The following CSMD3 variants were observed in gnomAD, a reference collection of about 807,000 sequenced individuals.
The protein encoded by CSMD3 is CUB and sushi domain-containing protein 3.
Under a neutral mutation model 435.2 loss-of-function variants are expected in CSMD3, and 177 were observed. The observed-to-expected ratio is 0.41, with a 90% CI of 0.36 to 0.46. The LOEUF is 0.46. CSMD3 is among the 20% of genes least tolerant of loss of function. The pLI is 0.34. For synonymous variants in CSMD3, 1,656 were observed against 1,520.5 expected (o/e 1.09, Z -2.07); for missense variants, 4,265 against 4,504.6 (o/e 0.95, Z 1.52).
chr8:112,472,023 G>T (rs1818568790), intron 32 of CSMD3, among the ~76,000 whole-genome samples: 1 of 152,118 alleles, frequency 6.6e-6, no homozygotes. Flanking sequence ...GGCAGCAAAG[G>T]ACACATTGTC....
chr8:112,784,850 C>T (rs1482663713), intron 13 of CSMD3, among the ~76,000 whole-genome samples: 2 of 151,956 alleles, frequency 1.3e-5, no homozygotes, highest in Non-Finnish European at 2.9e-5. Flanking sequence ...AGAGCAAATA[C>T]TAATCTTACT....
intron 13 of CSMD3, among the ~76,000 whole-genome samples, chr8:112,789,273 A>G (rs2078628647): frequency 6.6e-6 from 1 of 152,086 alleles, no homozygotes; most frequent in Non-Finnish European, 1.5e-5. Flanking sequence ...GTTTACTACA[A>G]TGAATCAATA....
intron 35 of CSMD3, among the ~76,000 whole-genome samples, chr8:112,391,685 C>G (rs1450560800): frequency 7.9e-6 from 1 of 127,262 alleles, no homozygotes; most frequent in Non-Finnish European, 1.8e-5. Flanking sequence ...GGATAAGACT[C>G]CATCTCAAAA....
At chr8:112,950,665 C>T (rs922237950) in intron 8 of CSMD3, among the ~76,000 whole-genome samples, 6 of 151,964 alleles carry the variant, frequency 3.9e-5, no homozygotes, top group Non-Finnish European at 5.9e-5. Flanking sequence ...TTTTACACCT[C>T]CTACAGGTGA....
At chr8:112,761,836 A>G (rs1222280429) in intron 13 of CSMD3, among the ~76,000 whole-genome samples, 2 of 152,022 alleles carry the variant, frequency 1.3e-5, no homozygotes, top group African/African-American at 4.8e-5. Flanking sequence ...GTGCATGTGT[A>G]TGTAAGTGCA....
In CSMD3 at chr8:112,492,667, G is replaced by A. The variant is rs1156355782; in HGVS notation, c.5100C>T (p.Ser1700=). Residue 1700 remains serine, a synonymous_variant, in exon 31 of 71, where the codon TCC becomes TCT. Transcript: ENST00000297405. ...TCATTATATTGCCTGGATCAAAGCA[G>A]GACTCTCGCAGTTTTGCTGTAAAAC... ...HLEYKAKLRE[S]CFDPGNIMNG... The A allele has an allele frequency of 6.2e-7, 1 of 1,613,656 alleles. No individual in the cohort carries two copies. Among genetic ancestry groups the A allele is most frequent in the East Asian group, 2.2e-5 (1 of 44,846 alleles).
intron 11 of CSMD3, among the ~76,000 whole-genome samples, chr8:112,852,445 T>C (rs753804650): frequency 1.1e-4 from 17 of 152,312 alleles, no homozygotes; most frequent in Non-Finnish European, 1.9e-4. Context: ...CATGCTTCTC[T>C]CATTTGATCT....
At chr8:112,669,578 A>G (rs768006948) in intron 16 of CSMD3, among the ~76,000 whole-genome samples, 3 of 152,204 alleles carry the variant, frequency 2.0e-5, no homozygotes, top group Non-Finnish European at 4.4e-5. Context: ...TCTCTAAAAA[A>G]CAATAACTAC....
chr8:112,589,464 T>G (rs974910797), intron 22 of CSMD3, among the ~76,000 whole-genome samples: 1 of 152,130 alleles, frequency 6.6e-6, no homozygotes, highest in Non-Finnish European at 1.5e-5. Flanking sequence ...GCTGTGATGG[T>G]ATATTAAATT....
At chr8:112,451,970 A>G (rs1394735737) in intron 32 of CSMD3, among the ~76,000 whole-genome samples, 3 of 152,194 alleles carry the variant, frequency 2.0e-5, no homozygotes, top group Non-Finnish European at 4.4e-5. Context: ...TTCCCATAAC[A>G]TCTGTTCATT....
rs74700371 is a variant in CSMD3, at chr8:113,242,804, G to A, written c.514+35788C>T. The stretch of plus-strand genomic sequence containing the variant: ...TTTTTCTTTATTAAATTCAAAAATG[G>A]GGAAGACATTGAATATACCTAAAAT... On this transcript the variant is annotated intron_variant, in intron 3 of 70. Transcript: ENST00000297405. 7.8e-3 allele frequency among the ~76,000 whole-genome samples: 1,178 copies of A among 151,838 alleles called. 7 individuals are homozygous for A. The highest frequency in any genetic ancestry group is 0.02 in the African/African-American group (836 of 41,458).
At chr8:112,346,824 G>C (rs978193346) in intron 40 of CSMD3, among the ~76,000 whole-genome samples, 1 of 151,558 alleles carries the variant, frequency 6.6e-6, no homozygotes, top group Non-Finnish European at 1.5e-5. Flanking sequence ...GACTACAGGC[G>C]CCTGCCACCA....
intron 1 of CSMD3, among the ~76,000 whole-genome samples, chr8:113,409,744 A>T (rs1403007724): frequency 6.6e-6 from 1 of 152,198 alleles, no homozygotes; most frequent in Non-Finnish European, 1.5e-5. Flanking sequence ...GTGCAAAGTT[A>T]CACATTATAT....
chr8:113,224,015 T>C (rs2092999227), intron 3 of CSMD3, among the ~76,000 whole-genome samples: 1 of 151,168 alleles, frequency 6.6e-6, no homozygotes, highest in Non-Finnish European at 1.5e-5. Flanking sequence ...CATCTAATCT[T>C]CAGTTAAGAC....
chr8:112,287,274 C>T (rs2130638319), intron 57 of CSMD3, 28 bp from the exon 58 acceptor site: 2 of 1,609,898 alleles, frequency 1.2e-6, no homozygotes, highest in Non-Finnish European at 1.7e-6. Flanking sequence ...TCAAGTTAAC[C>T]AATTCCCATA....
intron 10 of CSMD3, among the ~76,000 whole-genome samples, chr8:112,901,355 G>C (rs1299747835): frequency 6.6e-6 from 1 of 151,096 alleles, no homozygotes; most frequent in Non-Finnish European, 1.5e-5. Flanking sequence ...GTGGTGCTTT[G>C]GCCCTTTTTG....
chr8:113,313,729 T>A (rs2093888092), intron 2 of CSMD3: 1 of 152,196 alleles, frequency 6.6e-6, no homozygotes, highest in Non-Finnish European at 1.5e-5. Context: ...AATTCCTACA[T>A]GTTACCTTCT....
At chr8:112,405,614 C>T (rs1831785558) in intron 35 of CSMD3, among the ~76,000 whole-genome samples, 1 of 151,664 alleles carries the variant, frequency 6.6e-6, no homozygotes, top group Admixed American at 6.6e-5. Context: ...AACTTCGAAA[C>T]AATAAGATTT....
At chr8:113,051,464 AT>A (rs1158170153) in intron 5 of CSMD3, among the ~76,000 whole-genome samples, 1 of 152,140 alleles carries the variant, frequency 6.6e-6, no homozygotes, top group African/African-American at 2.4e-5. Flanking sequence ...TGTTTAATAA[AT>A]TGTTTTTTAC....
Sources: gnomAD v4.1 joint callset for allele counts (sites outside exome capture counted in the v4.1 genomes callset) on GRCh38, gnomAD v4.1.1 for gene constraint, MANE v1.5 for transcripts, NCBI Gene and HGNC (gene_info 2026-07-23, HGNC 2026-07-21) for gene names.